Variants in CUX1 observed in about 807,000 individuals in gnomAD.
CUX1 encodes the protein protein CASP.
CUX1 carries 31 observed loss-of-function variants against 158.8 expected under a neutral mutation model. The ratio of observed to expected loss-of-function variants is 0.20; its 90% CI spans 0.15 to 0.26. The LOEUF is 0.26. CUX1 is among the 10% of genes least tolerant of loss of function. The pLI is 1.00. For missense variants in CUX1, 1,589 were observed against 2,014.6 expected (o/e 0.79, Z 4.04); for synonymous variants, 879 against 862.1 (o/e 1.02, Z -0.34).
intron 14 of CUX1, among the ~76,000 whole-genome samples, chr7:102,269,709 C>T (rs1791077761): frequency 6.6e-6 from 1 of 151,990 alleles, no homozygotes; most frequent in South Asian, 2.1e-4. Flanking sequence ...CAGGCGTGAG[C>T]CACCACGCCC....
At chr7:101,897,584 A>G (rs1801655973) in intron 1 of CUX1, among the ~76,000 whole-genome samples, 1 of 152,186 alleles carries the variant, frequency 6.6e-6, no homozygotes, top group Non-Finnish European at 1.5e-5. Flanking sequence ...CTAACAACAC[A>G]ATTGGTTAGA....
intron 8 of CUX1, among the ~76,000 whole-genome samples, chr7:102,118,883 C>G (rs1402559920): frequency 6.6e-6 from 1 of 152,200 alleles, no homozygotes; most frequent in Non-Finnish European, 1.5e-5. Flanking sequence ...TACCAAGTAG[C>G]TGGGATTACA....
Position 102,248,808 on chromosome 7 carries a change from G to T in CUX1, c.4284G>T (p.Pro1428=), listed in dbSNP as rs1271744704. Residue 1428 remains proline (P), a synonymous_variant, in exon 24 of 24, where the codon CCG becomes CCT. Coordinates refer to ENST00000292535, the MANE Select transcript of CUX1 (RefSeq NM_181552.4). The surrounding 1 kb of genome is among the most constrained non-coding windows in gnomAD (Gnocchi z 5.8). The stretch of plus-strand genomic sequence containing the variant: ...CCGCTACCTCAGCCGCCGCCGCGCC[G>T]GGGGAGGGCCCCGCGGCCCCGAGCT... ...EDAATSAAAA[P]GEGPAAPSSA... The T allele has an allele frequency of 2.7e-6, 3 of 1,112,220 alleles. No homozygotes were observed. Among genetic ancestry groups the T allele is most frequent in the African/African-American group, 1.7e-5 (1 of 59,104 alleles). The allele number at this position is 1,112,220 out of a possible 1,614,324, so 68.9% of individuals were successfully genotyped here.
At chr7:102,030,689 G>GTTTTTTT (rs1585341128) in intron 3 of CUX1, among the ~76,000 whole-genome samples, 1 of 82,540 alleles carries the variant, frequency 1.2e-5, no homozygotes, top group Non-Finnish European at 2.1e-5. Context: ...ATTTTAAAAA[G>GTTTTTTT]TGTTTTTTTT....
intron 9 of CUX1, 70 bp from the exon 10 acceptor site, chr7:102,170,376 T>G (rs1791572384): frequency 9.2e-7 from 1 of 1,086,342 alleles, no homozygotes; most frequent in Admixed American, 2.2e-5. Context: ...AATTGATGAA[T>G]GTTCTTGTAA....
chr7:101,836,125 T>C (rs1648718258), intron 1 of CUX1, among the ~76,000 whole-genome samples: 1 of 152,228 alleles, frequency 6.6e-6, no homozygotes, highest in Non-Finnish European at 1.5e-5. Context: ...ATTCTATTTT[T>C]TTGTAGCCAT....
Position 102,178,554 on chromosome 7 carries a change from A to T in CUX1, c.914A>T (p.Asp305Val). The stretch of plus-strand genomic sequence containing the variant: ...CGGGAGATCGCACAGCTGGTGGAGG[A>T]CGTGCAGAGACTCCAGGCCAGCCTC... ...KEREIAQLVE[D>V]VQRLQASLTK... Residue 305 changes from aspartate (D) to valine (V), a missense_variant, in exon 11 of 24, where the codon GAC becomes GTC. Asp to Val is a radical substitution (Grantham distance 152). Around this residue, in one of 8 missense-constraint regions of CUX1, gnomAD observed 515 missense variants for 574.4 expected, o/e 0.90. Transcript: ENST00000292535. 1.9e-6 allele frequency: 3 copies of T among 1,613,426 alleles called. No individual in the cohort carries two copies. Among genetic ancestry groups the T allele is most frequent in the Non-Finnish European group, 2.5e-6 (3 of 1,179,734 alleles).
rs971411910 is a variant in CUX1 at position 101,976,320 on chromosome 7, G to A, written c.142-51778G>A. On this transcript the variant is annotated intron_variant, in intron 2 of 23. Transcript: ENST00000292535. ...ACAGTTTTGTGTGTAGGGTATTGTA[G>A]TGTAAGGGATCTGTTTTTTCCCCCA... Among the ~76,000 whole-genome samples, 11 of 152,168 alleles carry A rather than the reference G, an allele frequency of 7.2e-5. No individual in the cohort carries two copies. The East Asian group carries it at 2.1e-3, about 29-fold the overall frequency.
downstream of CUX1, among the ~76,000 whole-genome samples, chr7:102,260,870 G>C (rs1790356568): frequency 6.6e-6 from 1 of 152,226 alleles, no homozygotes; most frequent in Non-Finnish European, 1.5e-5. Context: ...GCTGCCTGGG[G>C]GCATGCTGCT....
Position 102,192,126 on chromosome 7 carries a change from G to A in CUX1, c.1077-1716G>A, listed in dbSNP as rs146291377. The stretch of plus-strand genomic sequence containing the variant: ...CAGCTGTGCTCTTGAGCTCTTGCCC[G>A]CGTCCCCTTCTCAGCATCGTCCCAT... On this transcript the variant is annotated intron_variant, in intron 12 of 23. Transcript: ENST00000292535. 9.7e-4 allele frequency among the ~76,000 whole-genome samples: 147 copies of A among 152,188 alleles called. No homozygotes were observed. In the East Asian group the frequency reaches 0.011, roughly 11 times the overall value.
intron 8 of CUX1, among the ~76,000 whole-genome samples, chr7:102,133,144 T>C (rs1554497881): frequency 6.6e-6 from 1 of 152,120 alleles, no homozygotes; most frequent in African/African-American, 2.4e-5. Flanking sequence ...TGGCACCCTC[T>C]CTCATATCTA....
At chr7:101,999,124 G>C (rs765398986) in intron 2 of CUX1, among the ~76,000 whole-genome samples, 1 of 151,932 alleles carries the variant, frequency 6.6e-6, no homozygotes, top group African/African-American at 2.4e-5. Flanking sequence ...TCTGGAGTCC[G>C]CATGGCTGTG....
chr7:102,121,798 T>C (rs1290982865), intron 8 of CUX1, among the ~76,000 whole-genome samples: 3 of 152,160 alleles, frequency 2.0e-5, no homozygotes, highest in Non-Finnish European at 2.9e-5. Flanking sequence ...GCCCTGGACC[T>C]GGTCCTTTAG....
intron 3 of CUX1, among the ~76,000 whole-genome samples, chr7:102,048,672 T>C (rs1025671564): frequency 3.3e-5 from 5 of 151,904 alleles, no homozygotes; most frequent in Admixed American, 2.6e-4. Context: ...CTACTAAAAA[T>C]ACAAAAATTA....
At chr7:101,973,830 A>G (rs1277865218) in intron 2 of CUX1, among the ~76,000 whole-genome samples, 2 of 144,634 alleles carry the variant, frequency 1.4e-5, no homozygotes, top group South Asian at 2.2e-4. Context: ...GTGCAGTGTC[A>G]TGATCTCAGC....
intron 3 of CUX1, among the ~76,000 whole-genome samples, chr7:102,029,490 A>G (rs1180922331): frequency 6.6e-6 from 1 of 152,120 alleles, no homozygotes; most frequent in African/African-American, 2.4e-5. Flanking sequence ...TCGGGCTTCC[A>G]TTTGGGAAAT....
chr7:101,976,015 C>T (rs1449529598), intron 2 of CUX1, among the ~76,000 whole-genome samples: 1 of 152,114 alleles, frequency 6.6e-6, no homozygotes, highest in African/African-American at 2.4e-5. Flanking sequence ...GCCTGTAATC[C>T]CAGCTACTTG....
intron 20 of CUX1, among the ~76,000 whole-genome samples, chr7:102,209,432 A>G (rs781978831): frequency 4.6e-5 from 7 of 152,122 alleles, no homozygotes; most frequent in Non-Finnish European, 8.8e-5. Flanking sequence ...GAGGCCTTGA[A>G]AAGGCGTAAG....
At chr7:101,873,940 C>T (rs1798859368) in intron 1 of CUX1, among the ~76,000 whole-genome samples, 2 of 152,186 alleles carry the variant, frequency 1.3e-5, no homozygotes, top group African/African-American at 4.8e-5. Context: ...TATTCAGTAT[C>T]AGTGAATTAT....
Sources: gnomAD v4.1 joint callset for allele counts (sites outside exome capture counted in the v4.1 genomes callset) on GRCh38, gnomAD v4.1.1 for gene constraint, gnomAD v4.1.1 regional missense constraint, Gnocchi (gnomAD v3.1) non-coding constraint, MANE v1.5 for transcripts, NCBI Gene and HGNC (gene_info 2026-07-23, HGNC 2026-07-21) for gene names.